The following FRAS1 variants were observed in gnomAD, a reference collection of about 807,000 sequenced individuals.
FRAS1 encodes the protein extracellular matrix organizing protein FRAS1.
In FRAS1, 290 loss-of-function variants were observed where a neutral mutation model predicts 435.2. The ratio of observed to expected loss-of-function variants is 0.67; its 90% confidence interval spans 0.61 to 0.73. The LOEUF is 0.73. Among genes scored for constraint, FRAS1 ranks in the 30% least tolerant of loss-of-function variants. The probability of loss-of-function intolerance (pLI) is 0.00; values close to 1 mark genes in which losing one functional copy is unlikely to be tolerated. For missense variants in FRAS1, 4,860 were observed against 5,001.5 expected (o/e 0.97, Z 0.85); for synonymous variants, 1,800 against 1,851.0 (o/e 0.97, Z 0.71).
intron 22 of FRAS1, among the ~76,000 whole-genome samples, chr4:78,364,661 G>T (rs1307513702): frequency 2.0e-5 from 3 of 152,122 alleles, no homozygotes; most frequent in Non-Finnish European, 4.4e-5. Flanking sequence ...ATAAATTAGG[G>T]AATGGGTAAA....
At chr4:78,095,017 A>C (rs1206793749) in intron 2 of FRAS1, among the ~76,000 whole-genome samples, 1 of 152,264 alleles carries the variant, frequency 6.6e-6, no homozygotes, top group Non-Finnish European at 1.5e-5. Flanking sequence ...ACCTGATATA[A>C]GATCATCACA....
intron 2 of FRAS1, among the ~76,000 whole-genome samples, chr4:78,194,626 GTCCTT>G (rs1395457304): frequency 1.3e-5 from 2 of 151,990 alleles, no homozygotes; most frequent in Non-Finnish European, 2.9e-5. Flanking sequence ...GCTCCATCAG[GTCCTT>G]TAAGGACTTC....
chr4:78,432,977 G>A (rs1310116949), intron 38 of FRAS1, among the ~76,000 whole-genome samples: 1 of 152,192 alleles, frequency 6.6e-6, no homozygotes, highest in Non-Finnish European at 1.5e-5. Flanking sequence ...TGACTAGTAG[G>A]TAATGATGTT....
intron 37 of FRAS1, among the ~76,000 whole-genome samples, chr4:78,432,093 A>G (rs1734239854): frequency 1.3e-5 from 2 of 152,324 alleles, no homozygotes; most frequent in Middle Eastern, 3.4e-3. Flanking sequence ...TTAAGAACTT[A>G]AAAACAAACC....
intron 2 of FRAS1, among the ~76,000 whole-genome samples, chr4:78,161,787 A>G (rs535243585): frequency 1.1e-4 from 17 of 150,534 alleles, no homozygotes; most frequent in African/African-American, 3.9e-4. Flanking sequence ...AGAAAAGAAA[A>G]GAAAGTGCTC....
At chr4:78,490,738 A>G (rs1308907940) in intron 59 of FRAS1, among the ~76,000 whole-genome samples, 1 of 152,200 alleles carries the variant, frequency 6.6e-6, no homozygotes, top group Non-Finnish European at 1.5e-5. Flanking sequence ...ATCACAATTA[A>G]AAGAACTAGA....
chr4:78,225,660 T>C (rs1039745136), intron 2 of FRAS1, among the ~76,000 whole-genome samples: 10 of 152,244 alleles, frequency 6.6e-5, no homozygotes, highest in Non-Finnish European at 1.2e-4. Context: ...TCTTCCACAT[T>C]GCTTACCATG....
chr4:78,452,146 T>C, intron 46 of FRAS1, 29 bp from the exon 47 acceptor site: 1 of 1,607,644 alleles, frequency 6.2e-7, no homozygotes, highest in Non-Finnish European at 8.5e-7. Flanking sequence ...GAAGATCCCA[T>C]TTCAAATCAC....
chr4:78,444,096 C>A, intron 41 of FRAS1: 1 of 442,482 alleles, frequency 2.3e-6, no homozygotes, highest in South Asian at 1.6e-5. Flanking sequence ...CTCAAGCAAT[C>A]CTCCTGCCTT....
chr4:78,529,267 G>A (rs1721639319), intron 70 of FRAS1, among the ~76,000 whole-genome samples: 1 of 152,124 alleles, frequency 6.6e-6, no homozygotes, highest in South Asian at 2.1e-4. Flanking sequence ...GCTGCAGTAA[G>A]GAAGAACAAT....
intron 32 of FRAS1, among the ~76,000 whole-genome samples, chr4:78,414,693 T>A (rs576763087): frequency 6.6e-6 from 1 of 152,360 alleles, no homozygotes; most frequent in East Asian, 1.9e-4. Flanking sequence ...TACTTGTATA[T>A]GTGATTAAAG....
intron 28 of FRAS1, among the ~76,000 whole-genome samples, chr4:78,386,224 CA>C (rs1177993682): frequency 6.6e-6 from 1 of 152,108 alleles, no homozygotes; most frequent in African/African-American, 2.4e-5. Flanking sequence ...TTTAGAAAAT[CA>C]TTTTAACTTA....
At chr4:78,126,908 G>A (rs1560538156) in intron 2 of FRAS1, among the ~76,000 whole-genome samples, 1 of 152,152 alleles carries the variant, frequency 6.6e-6, no homozygotes, top group Non-Finnish European at 1.5e-5. Context: ...GAACCTTGAT[G>A]TGATAGCCTG....
chr4:78,447,707 T>A (rs1718897354), intron 43 of FRAS1, among the ~76,000 whole-genome samples: 1 of 152,208 alleles, frequency 6.6e-6, no homozygotes, highest in African/African-American at 2.4e-5. Context: ...GTGAGTGCTA[T>A]TTTCACTTTG....
rs190282647 is a variant in FRAS1 at position 78,264,753 on chromosome 4, A to G, written c.604-272A>G. 528 of 467,114 alleles carry G rather than the reference A, an allele frequency of 1.1e-3. 1 individual carries two copies. Among genetic ancestry groups the G allele is most frequent in the Admixed American group, 4.1e-3 (141 of 34,498 alleles). The allele number at this position is 467,114 out of a possible 1,614,324, so 28.9% of individuals were successfully genotyped here. A position where few individuals can be genotyped will look rare whatever the true frequency, so the allele number is the denominator to read the frequency against. On this transcript the variant is annotated intron_variant, in intron 6 of 73. Transcript: ENST00000512123. ...GCACTTAGAACAGTGCCTGGAAGAC[A>G]CCAAGAACCATTATTATTGTTATTT...
At chr4:78,420,589 T>TTAGTTCTATACCTGAAAAATTTAGA (rs1262339009) in intron 33 of FRAS1, among the ~76,000 whole-genome samples, 19 of 106,276 alleles carry the variant, frequency 1.8e-4, no homozygotes, top group Non-Finnish European at 3.5e-4. Context: ...GTTCTTAGAA[T>TTAGTTCTATACCTGAAAAATTTAGA]AATCAAGACC....
In FRAS1 at chr4:78,336,044, T is replaced by A. The variant is rs1346111441; in HGVS notation, c.2279-1630T>A. The stretch of plus-strand genomic sequence containing the variant: ...AATTATATTACATGAATTTCTGGAG[T>A]CAGTAAATGTAATAAACTTATGACA... On this transcript the variant is annotated intron_variant, in intron 19 of 73. Transcript: ENST00000512123. Among the ~76,000 whole-genome samples the A allele has an allele frequency of 2.6e-5, 4 of 151,970 alleles. No homozygotes were observed. The East Asian group carries it at 5.8e-4, about 22-fold the overall frequency.
intron 2 of FRAS1, among the ~76,000 whole-genome samples, chr4:78,222,536 A>G (rs1369347932): frequency 1.3e-5 from 2 of 152,258 alleles, no homozygotes; most frequent in South Asian, 2.1e-4. Flanking sequence ...GGCGATGCTA[A>G]TAAGTCCCAG....
At chr4:78,525,382 C>T (rs990306899) in intron 69 of FRAS1, among the ~76,000 whole-genome samples, 5 of 152,134 alleles carry the variant, frequency 3.3e-5, no homozygotes, top group African/African-American at 7.2e-5. Context: ...ACTTTTAGAA[C>T]GGGAAGGAGC....
Sources: allele counts gnomAD v4.1 joint callset (sites outside exome capture counted in the v4.1 genomes callset), GRCh38; gene constraint gnomAD v4.1.1; transcripts MANE v1.5; gene names NCBI Gene and HGNC (gene_info 2026-07-23, HGNC 2026-07-21).